The following CRLF3 variants were observed in gnomAD, a reference collection of about 807,000 sequenced individuals.
CRLF3 encodes the protein cytokine receptor like factor 3.
CRLF3 carries 33 observed loss-of-function variants against 55.0 expected under a neutral mutation model. That is an observed-to-expected ratio of 0.60 (90% CI 0.46 to 0.80). CRLF3 has a LOEUF of 0.80. Ranked by LOEUF, CRLF3 falls within the 30% of genes least tolerant of loss-of-function variation. The pLI is 0.00. For missense variants in CRLF3, 494 were observed against 538.4 expected (o/e 0.92, Z 0.82); for synonymous variants, 238 against 196.8 (o/e 1.21, Z -1.75).
At position 30,808,277 on chromosome 17, in the gene CRLF3, A is replaced by ATTTTTTTTTTTTTTTTTTTTTTTTTT. The variant is rs71138901; in HGVS notation, c.130-4195_130-4170dup. Among the ~76,000 whole-genome samples, 2 of 54,862 alleles carry ATTTTTTTTTTTTTTTTTTTTTTTTTT rather than the reference A, an allele frequency of 3.6e-5. 1 individual carries two copies. 36.0% of individuals were successfully genotyped at this position (54,862 alleles called of 152,430 possible). On this transcript the variant is annotated intron_variant, in intron 1 of 7. Coordinates refer to ENST00000324238, the MANE Select transcript of CRLF3 (RefSeq NM_015986.4). ...TTCCTCCTCCTCCCCTAGAACCTATATTTTTTTTTTTTTTTTTTTTTTTTT... is the reference window on the plus strand; with the variant it reads ...TTCCTCCTCCTCCCCTAGAACCTATATTTTTTTTTTTTTTTTTTTTTTTTTTTTTTTTTTTTTTTTTTTTTTTTTTT...
chr17:30,812,345 G>T (rs1285643656), intron 1 of CRLF3, among the ~76,000 whole-genome samples: 1 of 151,976 alleles, frequency 6.6e-6, no homozygotes, highest in Non-Finnish European at 1.5e-5. Context: ...TGTACCTATG[G>T]TCTCATTTAA....
chr17:30,790,193 T>A (rs891688534), intron 6 of CRLF3, among the ~76,000 whole-genome samples: 2 of 152,094 alleles, frequency 1.3e-5, no homozygotes, highest in Non-Finnish European at 2.9e-5. Flanking sequence ...ATGCCTTAAA[T>A]AATAAGGGCC....
chr17:30,783,923 C>G lies in CRLF3; in HGVS notation c.*264G>C, dbSNP rs1034276868. 2.6e-6 allele frequency: 1 copy of G among 382,452 alleles called. No homozygotes were observed. Among genetic ancestry groups the G allele is most frequent in the South Asian group, 3.7e-5 (1 of 26,906 alleles). 23.7% of individuals were successfully genotyped at this position (382,452 alleles called of 1,614,324 possible). ...TGGAAGGGTATAGAACTTCCTATAT[C>G]TTCTATACTTTTAATGCCAATTTGA... On this transcript the variant is annotated 3_prime_UTR_variant, in exon 8 of 8. Coordinates refer to ENST00000324238, the MANE Select transcript of CRLF3 (RefSeq NM_015986.4).
chr17:30,812,926 G>T (rs1904667665), intron 1 of CRLF3, among the ~76,000 whole-genome samples: 1 of 152,164 alleles, frequency 6.6e-6, no homozygotes, highest in Non-Finnish European at 1.5e-5. Context: ...GTATGCCAGT[G>T]TTCCAACTGA....
In CRLF3 at chr17:30,784,463, A is replaced by C. The variant is rs1238586798; in HGVS notation, c.1073-20T>G. The stretch of plus-strand genomic sequence containing the variant: ...CTGCACCTAAAATGTTAAGGTAAAG[A>C]GTCATTTACATGTGAGCAATAACTA... On this transcript the variant is annotated intron_variant, in intron 7 of 7. Coordinates refer to ENST00000324238, the MANE Select transcript of CRLF3 (RefSeq NM_015986.4). 1 of 1,597,236 alleles carries C rather than the reference A, an allele frequency of 6.3e-7. No individual in the cohort carries two copies. The highest frequency in any genetic ancestry group is 1.3e-5 in the African/African-American group (1 of 74,492).
chr17:30,796,537 A>C (rs889624734), intron 3 of CRLF3, among the ~76,000 whole-genome samples, 200 bp from the exon 4 acceptor site: 7 of 151,686 alleles, frequency 4.6e-5, no homozygotes, highest in African/African-American at 1.7e-4. Flanking sequence ...TGGTAGGATC[A>C]TAACTGTCCA....
At chr17:30,796,745 A>G (rs2142256161) in intron 3 of CRLF3, among the ~76,000 whole-genome samples, 1 of 147,408 alleles carries the variant, frequency 6.8e-6, no homozygotes, top group African/African-American at 2.5e-5. Context: ...TTTTTTTCAG[A>G]CAGAGTCTCA....
intron 1 of CRLF3, among the ~76,000 whole-genome samples, chr17:30,819,799 T>C (rs1384758556): frequency 6.6e-6 from 1 of 152,234 alleles, no homozygotes; most frequent in Non-Finnish European, 1.5e-5. Flanking sequence ...ATAGAACTTA[T>C]ATTTTTCTTA....
In CRLF3 at chr17:30,797,347, C is replaced by T; in HGVS notation, c.389G>A (p.Ser130Asn). 1 of 1,614,016 alleles carries T rather than the reference C, an allele frequency of 6.2e-7. No individual in the cohort carries two copies. The highest frequency in any genetic ancestry group is 8.5e-7 in the Non-Finnish European group (1 of 1,179,918). ...GVGEENEKLW[S>N]FTKKASHIQL... ...AATGTGCGAGGCCTTTTTGGTAAAG[C>T]TCCACAGTTTCTCATTCTCTTCTCC... Residue 130 changes from serine (S) to asparagine (N), a missense_variant, in exon 3 of 8, where the codon AGC (serine) becomes AAC (asparagine). Coordinates refer to ENST00000324238, the MANE Select transcript of CRLF3 (RefSeq NM_015986.4).
intron 3 of CRLF3, among the ~76,000 whole-genome samples, chr17:30,796,818 G>A (rs1971925636): frequency 6.7e-6 from 1 of 148,576 alleles, no homozygotes; most frequent in Admixed American, 6.8e-5. Context: ...CCACCTCCCC[G>A]ATTCAAGCGA....
At chr17:30,795,709 G>C (rs904281362) in intron 4 of CRLF3, among the ~76,000 whole-genome samples, 1 of 152,078 alleles carries the variant, frequency 6.6e-6, no homozygotes. Flanking sequence ...GCCGAGGCGA[G>C]TGGGTCACCT....
intron 1 of CRLF3, among the ~76,000 whole-genome samples, chr17:30,817,036 A>C (rs555278421): frequency 6.6e-6 from 1 of 152,278 alleles, no homozygotes; most frequent in East Asian, 1.9e-4. Context: ...CCTTATTTGC[A>C]ATTAGTTTTG....
chr17:30,792,354 G>T, intron 6 of CRLF3, 86 bp downstream of exon 6: 1 of 1,257,842 alleles, frequency 8.0e-7, no homozygotes, highest in Non-Finnish European at 1.1e-6. Context: ...AATAAACTCA[G>T]GATGTTTTGA....
chr17:30,813,174 G>T (rs1044418220), intron 1 of CRLF3, among the ~76,000 whole-genome samples: 2 of 152,142 alleles, frequency 1.3e-5, no homozygotes, highest in Admixed American at 6.6e-5. Flanking sequence ...CTTAATTCTT[G>T]ATTATCTATA....
chr17:30,783,414 C>G lies in CRLF3; in HGVS notation c.*773G>C, dbSNP rs9911658. ...GGTGGAACACCTGAGGTCAGGAGTT[C>G]AAGACCAGCCTGGCCAACATGGTGA... On this transcript the variant is annotated 3_prime_UTR_variant, in exon 8 of 8. Coordinates refer to ENST00000324238, the MANE Select transcript of CRLF3 (RefSeq NM_015986.4). 2 of 152,084 alleles carry G rather than the reference C, an allele frequency of 1.3e-5. No homozygotes were observed. The highest frequency in any genetic ancestry group is 2.9e-5 in the Non-Finnish European group (2 of 68,054). The allele number at this position is 152,084 out of a possible 1,614,324, so 9.4% of individuals were successfully genotyped here.
intron 1 of CRLF3, among the ~76,000 whole-genome samples, chr17:30,811,081 C>G (rs1904601709): frequency 6.6e-6 from 1 of 151,966 alleles, no homozygotes; most frequent in Non-Finnish European, 1.5e-5. Context: ...AAAGTGAGAC[C>G]CTGCCTCAAA....
In CRLF3 at chr17:30,796,327, C is replaced by T. The variant is rs2142255749; in HGVS notation, c.436G>A (p.Val146Ile). The T allele has an allele frequency of 3.7e-6, 6 of 1,612,696 alleles. No homozygotes were observed. The highest frequency in any genetic ancestry group is 2.2e-5 in the East Asian group (1 of 44,822). The change falls in exon 4 of 8, where the codon GTA becomes ATA. Residue 146 changes from valine (V) to isoleucine (I), a missense_variant. Transcript: ENST00000324238. ...CAAGGCACATCAACCAGTAAAGGTA[C>T]TTCTGGTAAGCTGAGGAAACAAAGC... Reference protein sequence around the residue: ...SHIQLDSLPEVPLLVDVPCLS... With the variant: ...SHIQLDSLPEIPLLVDVPCLS...
In CRLF3 at chr17:30,803,904, C is replaced by T; in HGVS notation, c.334G>A (p.Glu112Lys). ...GVNTAEDLVR[E>K]GEIAMLGGVG... ...AACAGGCTCCCTGGTCCCCCACCTT[C>T]TCGGACTAAGTCCTCTGCAGTGTTG... Residue 112 changes from glutamate (E) to lysine (K), a missense_variant, in exon 2 of 8, where the codon GAA (glutamate) becomes AAA (lysine). Glu to Lys is a moderately conservative substitution (Grantham distance 56). Coordinates refer to ENST00000324238, the MANE Select transcript of CRLF3 (RefSeq NM_015986.4). The T allele has an allele frequency of 6.2e-7, 1 of 1,610,608 alleles. No homozygotes were observed. The highest frequency in any genetic ancestry group is 8.5e-7 in the Non-Finnish European group (1 of 1,178,540).
intron 6 of CRLF3, among the ~76,000 whole-genome samples, chr17:30,787,157 T>C (rs1213913921): frequency 6.6e-6 from 1 of 152,156 alleles, no homozygotes; most frequent in East Asian, 1.9e-4. Context: ...TCTTAACCAT[T>C]TGTAGCCATG....
Sources: gnomAD v4.1 joint callset for allele counts (sites outside exome capture counted in the v4.1 genomes callset) on GRCh38, gnomAD v4.1.1 for gene constraint, MANE v1.5 for transcripts, NCBI Gene and HGNC (gene_info 2026-07-23, HGNC 2026-07-21) for gene names.